ROBO2: variants seen among roughly 807,000 people sequenced by gnomAD.
ROBO2 encodes the protein roundabout homolog 2.
In ROBO2, 53 loss-of-function variants were observed where a neutral mutation model predicts 160.8. The observed-to-expected ratio is 0.33, with a 90% CI of 0.26 to 0.41. The LOEUF is 0.41. Ranked by LOEUF, ROBO2 falls within the 10% of genes least tolerant of loss-of-function variation. The probability of loss-of-function intolerance (pLI) is 1.00; values close to 1 mark genes in which losing one functional copy is unlikely to be tolerated. For synonymous variants in ROBO2, 664 were observed against 611.7 expected (o/e 1.09, Z -1.26); for missense variants, 1,577 against 1,722.4 (o/e 0.92, Z 1.49).
In ROBO2 at chr3:77,408,418, T is replaced by A. The variant is rs553211260; in HGVS notation, c.389-68996T>A. Among the ~76,000 whole-genome samples the A allele has an allele frequency of 2.6e-5, 4 of 152,308 alleles. No individual in the cohort carries two copies. The East Asian group carries it at 7.7e-4, about 29-fold the overall frequency. On this transcript the variant is annotated intron_variant, in intron 2 of 25. Transcript: ENST00000461745. ...CCCTAGTCTTATAATTTACCAATCA[T>A]AATAGAATCTGTACTCTTGCCAAAG...
chr3:77,070,842 A>G (rs765800946), intron 1 of ROBO2, among the ~76,000 whole-genome samples: 1 of 152,166 alleles, frequency 6.6e-6, no homozygotes, highest in Non-Finnish European at 1.5e-5. Context: ...TGATGGGGAA[A>G]GAGTAGAAAC....
chr3:77,125,240 A>T (rs1266383318), intron 2 of ROBO2, among the ~76,000 whole-genome samples: 1 of 152,138 alleles, frequency 6.6e-6, no homozygotes, highest in Non-Finnish European at 1.5e-5. Flanking sequence ...TGTCTGCACC[A>T]CGCCAATCAC....
At chr3:76,964,868 G>A (rs539029535) in intron 2 of ROBO2, among the ~76,000 whole-genome samples, 1 of 152,288 alleles carries the variant, frequency 6.6e-6, no homozygotes, top group African/African-American at 2.4e-5. Context: ...GTAATTCATA[G>A]TCTGAATAAT....
intron 2 of ROBO2, among the ~76,000 whole-genome samples, chr3:77,149,503 C>T (rs534895425): frequency 2.6e-5 from 4 of 152,288 alleles, no homozygotes; most frequent in African/African-American, 7.2e-5. Context: ...GTGTGTAAGA[C>T]AAAACATTTG....
chr3:76,674,517 T>C lies in ROBO2; in HGVS notation c.110-423497T>C, dbSNP rs551752778. Among the ~76,000 whole-genome samples, 66 of 151,776 alleles carry C rather than the reference T, an allele frequency of 4.3e-4. 1 individual carries two copies. In the South Asian group the frequency reaches 0.014, roughly 31 times the overall value. ...CAATTGACGGCAGTCTCTCAAGTCC[T>C]TTCCAAAAGATTTTACAAAGATAGA... On this transcript the variant is annotated intron_variant, in intron 2 of 26. Transcript: ENST00000487694.
At chr3:75,959,730 GA>G (rs997000876) in intron 2 of ROBO2, among the ~76,000 whole-genome samples, 1 of 151,344 alleles carries the variant, frequency 6.6e-6, no homozygotes, top group Middle Eastern at 3.2e-3. Flanking sequence ...CCCATCAATA[GA>G]AAAAAATTCT....
chr3:76,000,365 C>T (rs1348754396), intron 2 of ROBO2, among the ~76,000 whole-genome samples: 1 of 152,068 alleles, frequency 6.6e-6, no homozygotes, highest in Non-Finnish European at 1.5e-5. Context: ...TTTTAGAGTT[C>T]TTCATAGTTT....
At chr3:76,839,308 CAAT>C (rs1371948258) in intron 2 of ROBO2, among the ~76,000 whole-genome samples, 1 of 152,080 alleles carries the variant, frequency 6.6e-6, no homozygotes, top group African/African-American at 2.4e-5. Flanking sequence ...GACTCAGACA[CAAT>C]AGAGTTTAAA....
At chr3:75,938,623 C>T (rs79576288) in intron 2 of ROBO2, among the ~76,000 whole-genome samples, 13 of 151,952 alleles carry the variant, frequency 8.6e-5, no homozygotes, top group East Asian at 1.9e-4. Flanking sequence ...TTGAGCTTTG[C>T]TAGTTTGAAG....
chr3:76,479,701 G>A (rs1428095268), intron 2 of ROBO2, among the ~76,000 whole-genome samples: 2 of 152,180 alleles, frequency 1.3e-5, no homozygotes, highest in African/African-American at 4.8e-5. Context: ...ATACAGGATG[G>A]AATATAAGCT....
At chr3:77,477,644 TTC>T in intron 3 of ROBO2, 73 bp downstream of exon 3, 3 of 1,330,104 alleles carry the variant, frequency 2.3e-6, no homozygotes, top group Non-Finnish European at 3.2e-6. Context: ...ATGTATTTTA[TTC>T]TTTAACATTA....
chr3:76,206,494 C>A (rs185052496), intron 2 of ROBO2, among the ~76,000 whole-genome samples: 65 of 151,774 alleles, frequency 4.3e-4, no homozygotes, highest in Non-Finnish European at 8.0e-4. Context: ...CTGGGTCCAA[C>A]GTGCATATAG....
At chr3:77,290,210 G>C (rs1213401488) in intron 2 of ROBO2, among the ~76,000 whole-genome samples, 12 of 149,238 alleles carry the variant, frequency 8.0e-5, no homozygotes, top group African/African-American at 2.5e-4. Flanking sequence ...CGGGTAATCT[G>C]AGGCTAGATC....
chr3:77,238,998 G>T (rs559115742), intron 2 of ROBO2, among the ~76,000 whole-genome samples: 1 of 152,304 alleles, frequency 6.6e-6, no homozygotes, highest in East Asian at 1.9e-4. Context: ...AAAATCTGCA[G>T]ATGCTCAAGT....
intron 2 of ROBO2, among the ~76,000 whole-genome samples, chr3:76,878,164 A>G (rs2072965006): frequency 6.6e-6 from 1 of 150,674 alleles, no homozygotes; most frequent in Admixed American, 6.6e-5. Context: ...AGTTAAAAAA[A>G]GTTTCCTTAA....
chr3:75,941,869 A>G (rs1948070607), intron 2 of ROBO2, among the ~76,000 whole-genome samples: 1 of 152,136 alleles, frequency 6.6e-6, no homozygotes, highest in Admixed American at 6.6e-5. Flanking sequence ...TATGAAGACA[A>G]TATCTTGTGT....
At chr3:76,378,167 A>G (rs1026127536) in intron 2 of ROBO2, among the ~76,000 whole-genome samples, 1 of 152,216 alleles carries the variant, frequency 6.6e-6, no homozygotes, top group African/African-American at 2.4e-5. Flanking sequence ...AATAAACCTT[A>G]CAAAATGAAA....
At chr3:76,223,443 G>A (rs1704101575) in intron 2 of ROBO2, among the ~76,000 whole-genome samples, 1 of 151,900 alleles carries the variant, frequency 6.6e-6, no homozygotes, top group South Asian at 2.1e-4. Flanking sequence ...TCTTGGGGTT[G>A]GAGAAGCCAC....
At chr3:77,570,497 C>T (rs1356099857) in intron 13 of ROBO2, among the ~76,000 whole-genome samples, 1 of 151,904 alleles carries the variant, frequency 6.6e-6, no homozygotes, top group Admixed American at 6.6e-5. Flanking sequence ...TTTTTAATAA[C>T]TGTTTGTTGA....
Sources: gnomAD v4.1 joint callset for allele counts (sites outside exome capture counted in the v4.1 genomes callset) on GRCh38, gnomAD v4.1.1 for gene constraint, MANE v1.5 for transcripts, NCBI Gene and HGNC (gene_info 2026-07-23, HGNC 2026-07-21) for gene names.